HECW1: variants seen among roughly 807,000 people sequenced by gnomAD.
HECW1 encodes the protein HECT, C2 and WW domain containing E3 ubiquitin protein ligase 1, also known as E3 ubiquitin-protein ligase HECW1.
HECW1 carries 61 observed loss-of-function variants against 182.3 expected under a neutral mutation model. The ratio of observed to expected loss-of-function variants is 0.33; its 90% CI spans 0.27 to 0.41. The LOEUF (loss-of-function observed/expected upper bound fraction) is 0.41, where lower values mean the gene tolerates loss of function less well. HECW1 is among the 10% of genes least tolerant of loss of function. HECW1 has a pLI of 1.00. For synonymous variants in HECW1, 859 were observed against 832.6 expected (o/e 1.03, Z -0.55); for missense variants, 1,739 against 2,108.9 (o/e 0.82, Z 3.44).
chr7:43,305,963 TTGGTCAAGC>T (rs562962936), intron 3 of HECW1, among the ~76,000 whole-genome samples: 144 of 152,200 alleles, frequency 9.5e-4, no homozygotes, highest in Admixed American at 2.9e-3. Context: ...TTTCTCCATG[TTGGTCAAGC>T]TGGTCTCGAA....
intron 6 of HECW1, among the ~76,000 whole-genome samples, chr7:43,383,603 A>T (rs1327133663): frequency 1.3e-5 from 2 of 152,164 alleles, no homozygotes; most frequent in African/African-American, 4.8e-5. Context: ...ATCTGTTCAT[A>T]TCCTTTGCCC....
chr7:43,541,036 CAT>C, intron 24 of HECW1, 125 bp from the exon 25 acceptor site: 1 of 734,500 alleles, frequency 1.4e-6, no homozygotes, highest in Non-Finnish European at 2.4e-6. Context: ...TCCCTTGTGT[CAT>C]CAATGAGAAG....
At chr7:43,241,612 A>ATGTGTG (rs1437778475) in intron 2 of HECW1, 26 of 115,066 alleles carry the variant, frequency 2.3e-4, no homozygotes, top group African/African-American at 8.3e-4. Flanking sequence ...TACTCTCCTA[A>ATGTGTG]TGTATGTGTG....
chr7:43,300,063 CGTT>C (rs1261886383), intron 3 of HECW1, among the ~76,000 whole-genome samples: 1 of 152,190 alleles, frequency 6.6e-6, no homozygotes, highest in Non-Finnish European at 1.5e-5. Context: ...GTCTTTGCCT[CGTT>C]GTGATTTCTT....
intron 6 of HECW1, among the ~76,000 whole-genome samples, chr7:43,368,534 T>C (rs564438221): frequency 6.6e-6 from 1 of 152,354 alleles, no homozygotes; most frequent in South Asian, 2.1e-4. Context: ...CTTGCCCTTC[T>C]AGAACAGAAA....
At chr7:43,332,422 T>C (rs71540521) in intron 5 of HECW1, among the ~76,000 whole-genome samples, 28,413 of 152,160 alleles carry the variant, frequency 0.19, 3,521 homozygotes, top group Non-Finnish European at 0.27. Context: ...GGCCACATTC[T>C]TGAAATGGGG....
At chr7:43,237,355 TCTTGTTG>T (rs1351314714) in intron 2 of HECW1, among the ~76,000 whole-genome samples, 1 of 152,102 alleles carries the variant, frequency 6.6e-6, no homozygotes, top group Non-Finnish European at 1.5e-5. Context: ...TGCTGTAACA[TCTTGTTG>T]TGTGTTCAGC....
chr7:43,271,614 T>C (rs1401871330), intron 3 of HECW1, among the ~76,000 whole-genome samples: 1 of 152,064 alleles, frequency 6.6e-6, no homozygotes, highest in East Asian at 1.9e-4. Context: ...GATTAAAAAA[T>C]TGAGATATCT....
intron 2 of HECW1, among the ~76,000 whole-genome samples, chr7:43,188,904 T>C (rs1256260569): frequency 6.6e-6 from 1 of 152,176 alleles, no homozygotes; most frequent in Non-Finnish European, 1.5e-5. Flanking sequence ...TCGGGGAATA[T>C]CAATTACAAT....
chr7:43,293,193 C>G (rs1805618416), intron 3 of HECW1, among the ~76,000 whole-genome samples: 2 of 132,914 alleles, frequency 1.5e-5, no homozygotes, highest in African/African-American at 3.1e-5. Context: ...GCGCTCCAGC[C>G]TGGGCGACAC....
chr7:43,370,888 C>T (rs75317928), intron 6 of HECW1, among the ~76,000 whole-genome samples: 1 of 135,406 alleles, frequency 7.4e-6, no homozygotes, highest in Non-Finnish European at 1.6e-5. Flanking sequence ...CAATGATATT[C>T]TTTTTTTTTT....
At chr7:43,365,762 C>T (rs766733886) in intron 6 of HECW1, among the ~76,000 whole-genome samples, 2 of 152,102 alleles carry the variant, frequency 1.3e-5, no homozygotes, top group Admixed American at 1.3e-4. Flanking sequence ...TTGATAATAA[C>T]TGAACAGCAT....
chr7:43,169,539 C>G (rs560527226), intron 2 of HECW1, among the ~76,000 whole-genome samples: 1 of 152,310 alleles, frequency 6.6e-6, no homozygotes, highest in Admixed American at 6.5e-5. Context: ...CATCCCAACT[C>G]AGCCCAATTT....
intron 2 of HECW1, among the ~76,000 whole-genome samples, chr7:43,137,171 T>A (rs1026112177): frequency 6.6e-6 from 1 of 152,170 alleles, no homozygotes; most frequent in Non-Finnish European, 1.5e-5. Context: ...AATCGCTTCA[T>A]GTCTGAATCA....
chr7:43,210,459 G>GTA (rs1795909161), intron 2 of HECW1, among the ~76,000 whole-genome samples: 1 of 149,628 alleles, frequency 6.7e-6, no homozygotes, highest in African/African-American at 2.5e-5. Context: ...GAGTGTGTGT[G>GTA]TGTGTGTGTG....
At chr7:43,404,335 C>T (rs1256130414) in intron 7 of HECW1, among the ~76,000 whole-genome samples, 2 of 152,116 alleles carry the variant, frequency 1.3e-5, no homozygotes, top group African/African-American at 2.4e-5. Context: ...TAGAAGTCTC[C>T]GTTTTCTAAA....
chr7:43,531,554 C>T (rs1432657787), intron 24 of HECW1, among the ~76,000 whole-genome samples: 1 of 152,168 alleles, frequency 6.6e-6, no homozygotes, highest in Non-Finnish European at 1.5e-5. Context: ...CTCCACTGAC[C>T]ACTCCACTGC....
chr7:43,225,905 G>A (rs999102080), intron 2 of HECW1, among the ~76,000 whole-genome samples: 10 of 151,974 alleles, frequency 6.6e-5, no homozygotes, highest in African/African-American at 2.4e-4. Context: ...TGAGTAGCTG[G>A]GACCACAGGC....
intron 2 of HECW1, among the ~76,000 whole-genome samples, chr7:43,238,436 C>T (rs887214863): frequency 3.3e-5 from 5 of 152,170 alleles, no homozygotes; most frequent in Non-Finnish European, 5.9e-5. Flanking sequence ...TGGCCACACC[C>T]ACAGGTGGTC....
Sources: gnomAD v4.1 joint callset for allele counts (sites outside exome capture counted in the v4.1 genomes callset) on GRCh38, gnomAD v4.1.1 for gene constraint, MANE v1.5 for transcripts, NCBI Gene and HGNC (gene_info 2026-07-23, HGNC 2026-07-21) for gene names.